AOPEP: variants seen among roughly 807,000 people sequenced by gnomAD.
AOPEP encodes aminopeptidase O.
A neutral mutation model predicts 98.1 loss-of-function variants in AOPEP; 77 were observed. The ratio of observed to expected loss-of-function variants is 0.78; its 90% confidence interval spans 0.65 to 0.95. The LOEUF (loss-of-function observed/expected upper bound fraction) is 0.95, where lower values mean the gene tolerates loss of function less well. Ranked by LOEUF, AOPEP falls within the 40% of genes least tolerant of loss-of-function variation. The pLI, the probability that AOPEP is intolerant of heterozygous loss-of-function variation, is 0.00. For missense variants in AOPEP, 1,024 were observed against 1,024.7 expected, an observed-to-expected ratio of 1.00 and a Z score of 0.01; for synonymous variants, 346 against 365.3, an observed-to-expected ratio of 0.95 and a Z score of 0.60.
the AOPEP span, chr9:95,107,091 G>A: frequency 3.7e-5 from 59 of 1,614,092 alleles, no homozygotes; most frequent in East Asian, 1.6e-4. Flanking sequence ...CCAGGCGATC[G>A]TGTGGCCTCC....
chr9:94,849,348 T>A (rs2043244094), intron 5 of AOPEP, among the ~76,000 whole-genome samples: 1 of 152,214 alleles, frequency 6.6e-6, no homozygotes, highest in Admixed American at 6.5e-5. Flanking sequence ...TTAAAGCAGT[T>A]CCCAGCACAT....
intron 1 of AOPEP, among the ~76,000 whole-genome samples, chr9:94,744,633 G>A (rs1797685086): frequency 1.3e-5 from 2 of 149,322 alleles, no homozygotes; most frequent in South Asian, 4.3e-4. Context: ...CCCAGGAGAC[G>A]GAGGTTGCAG....
intron 14 of AOPEP, among the ~76,000 whole-genome samples, chr9:95,074,164 T>G (rs1454379409): frequency 6.6e-6 from 1 of 152,216 alleles, no homozygotes; most frequent in Non-Finnish European, 1.5e-5. Context: ...CCAGGTTGCA[T>G]GTCTGCTTGG....
intron 7 of AOPEP, chr9:94,933,754 A>AT (rs1008990358): frequency 0.033 from 22,840 of 697,666 alleles, 1 homozygote; most frequent in Middle Eastern, 0.039. Context: ...ATTTTTTTTA[A>AT]TTTTTTTTTT....
Position 94,769,712 on chromosome 9 carries a change from A to G in AOPEP, c.798-3290A>G, listed in dbSNP as rs137928398. Among the ~76,000 whole-genome samples the G allele has an allele frequency of 7.6e-3, 1,153 of 152,304 alleles. 19 individuals are homozygous for G. Among genetic ancestry groups the G allele is most frequent in the African/African-American group, 0.026 (1,070 of 41,570 alleles). On this transcript the variant is annotated intron_variant, in intron 2 of 16. Coordinates refer to ENST00000375315, the MANE Select transcript of AOPEP (RefSeq NM_001193329.3). ...CAGCCATGGAAAGAGGAGGGTGGGAATAGAGAATTGTAAGCACACTGGGGA... is the reference window on the plus strand; with the variant it reads ...CAGCCATGGAAAGAGGAGGGTGGGAGTAGAGAATTGTAAGCACACTGGGGA...
chr9:95,080,888 TAC>T, intron 15 of AOPEP, 108 bp downstream of exon 15: 1 of 819,560 alleles, frequency 1.2e-6, no homozygotes, highest in East Asian at 2.5e-5. Flanking sequence ...TTAAATCTGT[TAC>T]AGAGATTCTT....
intron 14 of AOPEP, among the ~76,000 whole-genome samples, chr9:95,069,417 G>T (rs956286673): frequency 1.3e-5 from 2 of 152,036 alleles, no homozygotes; most frequent in Non-Finnish European, 2.9e-5. Context: ...AGAAGGTAGG[G>T]TGTATTATTT....
At chr9:94,827,400 C>G (rs1036809936) in intron 5 of AOPEP, among the ~76,000 whole-genome samples, 2 of 152,122 alleles carry the variant, frequency 1.3e-5, no homozygotes, top group Non-Finnish European at 2.9e-5. Flanking sequence ...TTTACATTTT[C>G]GTCCACTGAA....
At chr9:94,900,847 T>G (rs948903632) in intron 5 of AOPEP, 2 of 152,186 alleles carry the variant, frequency 1.3e-5, no homozygotes, top group African/African-American at 4.8e-5. Flanking sequence ...GGAACTGACT[T>G]TAAACAAAAT....
intron 12 of AOPEP, among the ~76,000 whole-genome samples, 161 bp downstream of exon 12, chr9:95,005,381 G>A (rs1237032223): frequency 6.6e-6 from 1 of 151,582 alleles, no homozygotes; most frequent in Non-Finnish European, 1.5e-5. Flanking sequence ...CGCGGCCCCT[G>A]CGGTGAGGCG....
chr9:95,025,727 A>G (rs1246429650), intron 13 of AOPEP, among the ~76,000 whole-genome samples: 1 of 152,210 alleles, frequency 6.6e-6, no homozygotes, highest in Non-Finnish European at 1.5e-5. Context: ...TACATGAGCT[A>G]AAGATAAGAA....
chr9:94,932,899 C>G, intron 7 of AOPEP: 1 of 985,388 alleles, frequency 1.0e-6, no homozygotes, highest in Non-Finnish European at 1.2e-6. Context: ...CCTTCTCAGC[C>G]TTCATTGGCT....
chr9:94,912,538 A>G (rs2052208573), intron 5 of AOPEP, among the ~76,000 whole-genome samples: 1 of 152,252 alleles, frequency 6.6e-6, no homozygotes, highest in Admixed American at 6.5e-5. Flanking sequence ...TTTATGAGAA[A>G]GAGGGCTACA....
chr9:94,960,736 GGT>G (rs2058760506), intron 9 of AOPEP, among the ~76,000 whole-genome samples: 1 of 152,150 alleles, frequency 6.6e-6, no homozygotes, highest in Admixed American at 6.5e-5. Context: ...TTGTGGGCCG[GGT>G]GCGGTGGCTC....
intron 11 of AOPEP, among the ~76,000 whole-genome samples, chr9:95,004,491 C>G (rs1025722044): frequency 1.3e-5 from 2 of 152,090 alleles, no homozygotes; most frequent in African/African-American, 2.4e-5. Flanking sequence ...CACTGGGAAA[C>G]GTCTACTCGA....
At position 94,781,705 on chromosome 9, in the gene AOPEP, C is replaced by T. The variant is rs1311959511; in HGVS notation, c.964+8537C>T. On this transcript the variant is annotated intron_variant, in intron 3 of 16. Coordinates refer to ENST00000375315, the MANE Select transcript of AOPEP (RefSeq NM_001193329.3). ...CCTCCCGAGTAGCTGGGACTACAGGCACCCGCCACCACGCCTGGCTAATTT... is the reference window on the plus strand; with the variant it reads ...CCTCCCGAGTAGCTGGGACTACAGGTACCCGCCACCACGCCTGGCTAATTT... 6.6e-5 allele frequency among the ~76,000 whole-genome samples: 10 copies of T among 151,362 alleles called. No individual in the cohort carries two copies. In the East Asian group the frequency reaches 2.0e-3, roughly 30 times the overall value.
At chr9:94,809,943 C>T (rs1386498736) in intron 5 of AOPEP, 1 of 156,012 alleles carries the variant, frequency 6.4e-6, no homozygotes, top group Non-Finnish European at 1.5e-5. Flanking sequence ...GGAAGGCTAA[C>T]AGGTCTTCCC....
intron 5 of AOPEP, among the ~76,000 whole-genome samples, chr9:94,861,256 C>T (rs2135424213): frequency 6.6e-6 from 1 of 152,176 alleles, no homozygotes; most frequent in African/African-American, 2.4e-5. Flanking sequence ...GCTGCTGTCA[C>T]CAAACAAGCA....
At chr9:94,933,140 T>C in intron 7 of AOPEP, 1 of 985,858 alleles carries the variant, frequency 1.0e-6, no homozygotes, top group Non-Finnish European at 1.2e-6. Context: ...ACTGTTCAGC[T>C]CTCTCCTGTC....
Sources: allele counts gnomAD v4.1 joint callset (sites outside exome capture counted in the v4.1 genomes callset), GRCh38; gene constraint gnomAD v4.1.1; transcripts MANE v1.5; gene names NCBI Gene and HGNC (gene_info 2026-07-23, HGNC 2026-07-21).